Variants in AUTS2 observed in about 807,000 individuals in gnomAD.
The protein encoded by AUTS2 is autism susceptibility gene 2 protein.
Under a neutral mutation model 112.4 loss-of-function variants are expected in AUTS2, and 17 were observed. The ratio of observed to expected loss-of-function variants is 0.15; its 90% CI spans 0.10 to 0.23. AUTS2 has a LOEUF of 0.23. AUTS2 is among the 10% of genes least tolerant of loss of function. The probability of loss-of-function intolerance (pLI) is 1.00; values close to 1 mark genes in which losing one functional copy is unlikely to be tolerated. For missense variants in AUTS2, 1,510 were observed against 1,701.6 expected (o/e 0.89, Z 1.98); for synonymous variants, 751 against 702.7 (o/e 1.07, Z -1.09).
chr7:70,028,155 C>A (rs751283746), intron 2 of AUTS2, among the ~76,000 whole-genome samples: 1 of 152,092 alleles, frequency 6.6e-6, no homozygotes, highest in Non-Finnish European at 1.5e-5. Flanking sequence ...CCTGCCAACA[C>A]AGCTGTATTC....
intron 5 of AUTS2, among the ~76,000 whole-genome samples, chr7:70,680,967 G>A (rs887175155): frequency 2.0e-5 from 3 of 152,212 alleles, no homozygotes; most frequent in South Asian, 2.1e-4. Flanking sequence ...AAGATTCTGT[G>A]TAAATACCAG....
chr7:69,894,261 T>TG (rs1794647738), intron 1 of AUTS2, among the ~76,000 whole-genome samples: 1 of 135,680 alleles, frequency 7.4e-6, no homozygotes, highest in African/African-American at 2.8e-5. Context: ...CGTTTTTTTT[T>TG]TTTTTTTTTT....
At chr7:70,314,280 G>A (rs1340415046) in intron 4 of AUTS2, among the ~76,000 whole-genome samples, 1 of 152,198 alleles carries the variant, frequency 6.6e-6, no homozygotes, top group African/African-American at 2.4e-5. Flanking sequence ...ACACTAGGCA[G>A]CCCCCATTTT....
chr7:69,768,518 G>T (rs1345235036), intron 1 of AUTS2, among the ~76,000 whole-genome samples: 1 of 152,174 alleles, frequency 6.6e-6, no homozygotes, highest in African/African-American at 2.4e-5. Flanking sequence ...CAGCTTTGCA[G>T]AGCTGGGATG....
intron 4 of AUTS2, among the ~76,000 whole-genome samples, chr7:70,348,841 G>C (rs1182944645): frequency 6.6e-6 from 1 of 151,978 alleles, no homozygotes; most frequent in Admixed American, 6.6e-5. Context: ...AAGAATTCCA[G>C]CTAAGTGGCA....
At chr7:69,912,795 C>T (rs1023513033) in intron 2 of AUTS2, among the ~76,000 whole-genome samples, 2 of 152,220 alleles carry the variant, frequency 1.3e-5, no homozygotes, top group Admixed American at 6.5e-5. Context: ...TGGGACATCA[C>T]TTAGATCTGC....
intron 4 of AUTS2, among the ~76,000 whole-genome samples, chr7:70,160,295 G>A (rs539580962): frequency 1.1e-4 from 16 of 152,260 alleles, no homozygotes; most frequent in African/African-American, 2.6e-4. Flanking sequence ...ACCATATAAA[G>A]AAAGACAGCT....
intron 2 of AUTS2, among the ~76,000 whole-genome samples, chr7:69,946,073 C>T (rs1796798405): frequency 6.6e-6 from 1 of 152,144 alleles, no homozygotes; most frequent in Admixed American, 6.5e-5. Flanking sequence ...TCTCAAACTC[C>T]AGGCCTCAAG....
At chr7:70,777,005 G>A in intron 13 of AUTS2, 98 bp from the exon 14 acceptor site, 1 of 1,165,294 alleles carries the variant, frequency 8.6e-7, no homozygotes, top group African/African-American at 1.5e-5. Flanking sequence ...CACGAAAAAA[G>A]CCTCTGCAGC....
intron 1 of AUTS2, among the ~76,000 whole-genome samples, chr7:69,646,365 G>A (rs1795021949): frequency 6.6e-6 from 1 of 152,086 alleles, no homozygotes; most frequent in African/African-American, 2.4e-5. Context: ...ATTTTAATGG[G>A]ACTAGATTGC....
At chr7:70,683,925 G>C (rs1018063815) in intron 5 of AUTS2, among the ~76,000 whole-genome samples, 1 of 152,184 alleles carries the variant, frequency 6.6e-6, no homozygotes, top group African/African-American at 2.4e-5. Context: ...TAAGGCCAGA[G>C]CAAGAGGGAA....
chr7:70,519,173 G>C (rs1226694098), intron 5 of AUTS2, among the ~76,000 whole-genome samples: 1 of 152,148 alleles, frequency 6.6e-6, no homozygotes, highest in Non-Finnish European at 1.5e-5. Context: ...GGGTCAAATA[G>C]AAATGGTGGC....
At chr7:69,865,817 TCTC>T (rs937309834) in intron 1 of AUTS2, among the ~76,000 whole-genome samples, 44 of 152,290 alleles carry the variant, frequency 2.9e-4, no homozygotes, top group African/African-American at 9.6e-4. Context: ...TCCAAATTTT[TCTC>T]CTCAACTTCA....
At chr7:70,625,655 G>A (rs967113084) in intron 5 of AUTS2, among the ~76,000 whole-genome samples, 3 of 152,210 alleles carry the variant, frequency 2.0e-5, no homozygotes, top group Admixed American at 2.0e-4. Flanking sequence ...ATGAGGAGGT[G>A]AGAAAGTGCC....
At chr7:70,756,335 A>G (rs935128382) in intron 6 of AUTS2, among the ~76,000 whole-genome samples, 1 of 152,114 alleles carries the variant, frequency 6.6e-6, no homozygotes, top group African/African-American at 2.4e-5. Flanking sequence ...CAACCACCCT[A>G]GGAGGTTGTT....
At chr7:70,650,042 G>A (rs1221279601) in intron 5 of AUTS2, among the ~76,000 whole-genome samples, 2 of 152,262 alleles carry the variant, frequency 1.3e-5, no homozygotes, top group South Asian at 2.1e-4. Flanking sequence ...TTTGGGGCAC[G>A]GATTGGCTTC....
At chr7:70,090,654 C>T (rs1390808202) in intron 2 of AUTS2, among the ~76,000 whole-genome samples, 1 of 149,670 alleles carries the variant, frequency 6.7e-6, no homozygotes, top group Non-Finnish European at 1.5e-5. Flanking sequence ...CATTTGCCCT[C>T]TTCCTAAAGG....
intron 2 of AUTS2, among the ~76,000 whole-genome samples, chr7:70,002,585 G>A (rs1256436731): frequency 6.6e-6 from 1 of 152,144 alleles, no homozygotes; most frequent in Non-Finnish European, 1.5e-5. Context: ...GACTAAAAGT[G>A]TGATTATGTT....
At position 70,747,951 on chromosome 7, in the gene AUTS2, A is replaced by C. The variant is rs867185584; in HGVS notation, c.743-14919A>C. Among the ~76,000 whole-genome samples the C allele has an allele frequency of 2.0e-5, 3 of 146,424 alleles. 1 individual carries two copies. Reference sequence around the variant, plus strand: ...ATTGTCCTGCCTCAGCGTCCCCAGTAGCTGGGACTATAGGCACCTGCCACC... The same window carrying C: ...ATTGTCCTGCCTCAGCGTCCCCAGTCGCTGGGACTATAGGCACCTGCCACC... On this transcript the variant is annotated intron_variant, in intron 6 of 18. Transcript: ENST00000342771.
Sources: allele counts gnomAD v4.1 joint callset (sites outside exome capture counted in the v4.1 genomes callset), GRCh38; gene constraint gnomAD v4.1.1; transcripts MANE v1.5; gene names NCBI Gene and HGNC (gene_info 2026-07-23, HGNC 2026-07-21).